The following RARB variants were observed in gnomAD, a reference collection of about 807,000 sequenced individuals.
The protein encoded by RARB is HBV-activated protein.
In RARB, 17 loss-of-function variants were observed where a neutral mutation model predicts 51.9. The observed-to-expected ratio is 0.33, with a 90% CI of 0.22 to 0.49. The LOEUF is 0.49. RARB is among the 20% of genes least tolerant of loss of function. RARB has a pLI of 0.99. For synonymous variants in RARB, 215 were observed against 195.4 expected (o/e 1.10, Z -0.84); for missense variants, 369 against 550.8 (o/e 0.67, Z 3.30).
At chr3:24,902,666 T>TC (rs1008588215) in intron 2 of RARB, among the ~76,000 whole-genome samples, 1 of 148,244 alleles carries the variant, frequency 6.7e-6, no homozygotes, top group African/African-American at 2.6e-5. Flanking sequence ...TCTCTGTCTC[T>TC]CTTTCTGTTT....
intron 2 of RARB, among the ~76,000 whole-genome samples, chr3:25,483,058 T>G (rs774452984): frequency 1.1e-4 from 17 of 152,204 alleles, no homozygotes; most frequent in Admixed American, 2.6e-4. Context: ...AATAGCTACA[T>G]GTGGCTAGTG....
chr3:25,394,807 G>GTCC (rs1707072191), intron 5 of RARB, among the ~76,000 whole-genome samples: 9 of 152,056 alleles, frequency 5.9e-5, no homozygotes. Context: ...TGTTAGGTGA[G>GTCC]TCTCTAGAAG....
At chr3:24,928,629 AGT>A (rs965215169) in intron 2 of RARB, among the ~76,000 whole-genome samples, 11 of 151,952 alleles carry the variant, frequency 7.2e-5, no homozygotes, top group African/African-American at 2.4e-4. Flanking sequence ...CTCAGCAAAA[AGT>A]GTTATTTCAT....
chr3:25,548,334 A>G (rs1356995570), intron 3 of RARB, among the ~76,000 whole-genome samples: 1 of 152,160 alleles, frequency 6.6e-6, no homozygotes, highest in Non-Finnish European at 1.5e-5. Flanking sequence ...CAGTCTTACA[A>G]ATGTTTAGCA....
upstream of RARB, among the ~76,000 whole-genome samples, chr3:25,426,053 G>T (rs559347030): frequency 6.6e-6 from 1 of 152,222 alleles, no homozygotes; most frequent in Non-Finnish European, 1.5e-5. Context: ...CGGTAAAAAT[G>T]AACTCAGTTT....
chr3:25,037,809 T>C (rs932464444), intron 2 of RARB, among the ~76,000 whole-genome samples: 16 of 152,166 alleles, frequency 1.1e-4, no homozygotes, highest in African/African-American at 3.9e-4. Context: ...AACAGGGAAG[T>C]ACAAGGTGTC....
intron 5 of RARB, among the ~76,000 whole-genome samples, chr3:25,174,874 T>C (rs1700713055): frequency 1.3e-5 from 2 of 152,212 alleles, no homozygotes; most frequent in Non-Finnish European, 2.9e-5. Flanking sequence ...CTAAAGAAAT[T>C]GGCCATATGA....
chr3:25,008,562 T>C (rs569338853), intron 2 of RARB, among the ~76,000 whole-genome samples: 7 of 152,258 alleles, frequency 4.6e-5, no homozygotes, highest in African/African-American at 1.7e-4. Context: ...GTGTGAAATA[T>C]TGGGCTCACC....
intron 3 of RARB, among the ~76,000 whole-genome samples, chr3:25,541,289 C>T (rs1331937073): frequency 6.6e-6 from 1 of 152,212 alleles, no homozygotes; most frequent in Admixed American, 6.5e-5. Context: ...GCTCTCTCCA[C>T]CAATTCTTGA....
chr3:25,182,348 C>A (rs1700878861), intron 5 of RARB, among the ~76,000 whole-genome samples: 1 of 152,146 alleles, frequency 6.6e-6, no homozygotes, highest in African/African-American at 2.4e-5. Context: ...TTATGCCAGC[C>A]ATGGGGTACT....
At chr3:25,209,770 C>G (rs1701646275) in intron 5 of RARB, among the ~76,000 whole-genome samples, 1 of 152,136 alleles carries the variant, frequency 6.6e-6, no homozygotes. Flanking sequence ...CAATGCAGTC[C>G]TATTCAACTG....
chr3:25,200,042 A>T (rs1167754677), intron 5 of RARB, among the ~76,000 whole-genome samples: 1 of 152,174 alleles, frequency 6.6e-6, no homozygotes, highest in Non-Finnish European at 1.5e-5. Flanking sequence ...CAATGGTTGA[A>T]CTAGTTTACA....
At chr3:24,902,489 G>A (rs994817572) in intron 2 of RARB, among the ~76,000 whole-genome samples, 1 of 152,102 alleles carries the variant, frequency 6.6e-6, no homozygotes, top group Admixed American at 6.6e-5. Flanking sequence ...AGTGCTTTAA[G>A]GTTTAGACAT....
At chr3:25,264,106 TGTTGA>T (rs1448462546) in intron 5 of RARB, among the ~76,000 whole-genome samples, 11 of 64,172 alleles carry the variant, frequency 1.7e-4, no homozygotes, top group Non-Finnish European at 2.4e-4. Flanking sequence ...CTTGGGGCAT[TGTTGA>T]TTTTTTTTTT....
intron 5 of RARB, among the ~76,000 whole-genome samples, chr3:25,422,783 G>T (rs1242755407): frequency 6.6e-6 from 1 of 151,826 alleles, no homozygotes; most frequent in East Asian, 1.9e-4. Flanking sequence ...CTTTTAAAAG[G>T]GAAGGAAAAG....
At chr3:25,049,260 G>A (rs1410490335) in intron 2 of RARB, among the ~76,000 whole-genome samples, 2 of 152,170 alleles carry the variant, frequency 1.3e-5, no homozygotes, top group Admixed American at 6.5e-5. Context: ...GCAGGCTGAA[G>A]CTCATCAAGA....
intron 1 of RARB, among the ~76,000 whole-genome samples, chr3:24,842,571 T>C (rs1415956275): frequency 6.6e-6 from 1 of 152,168 alleles, no homozygotes; most frequent in African/African-American, 2.4e-5. Context: ...CATTTGTTAT[T>C]GTGGAGATTT....
chr3:25,468,553 G>T (rs1163329107), intron 2 of RARB, among the ~76,000 whole-genome samples: 1 of 107,334 alleles, frequency 9.3e-6, no homozygotes, highest in Non-Finnish European at 2.1e-5. Context: ...TCCTTTTCCT[G>T]TTAAAAAAAA....
intron 2 of RARB, among the ~76,000 whole-genome samples, chr3:25,030,734 C>T (rs1697853908): frequency 6.6e-6 from 1 of 152,180 alleles, no homozygotes; most frequent in Non-Finnish European, 1.5e-5. Flanking sequence ...TGCTGAAGAT[C>T]TGGCTTTTAC....
Sources: gnomAD v4.1 joint callset for allele counts (sites outside exome capture counted in the v4.1 genomes callset) on GRCh38, gnomAD v4.1.1 for gene constraint, MANE v1.5 for transcripts, NCBI Gene and HGNC (gene_info 2026-07-23, HGNC 2026-07-21) for gene names.